CHD1: variants seen among roughly 807,000 people sequenced by gnomAD.
The protein encoded by CHD1 is chromodomain helicase DNA binding protein 1, also known as ATP-dependent chromatin remodeler CHD1.
A neutral mutation model predicts 224.2 loss-of-function variants in CHD1; 36 were observed. The ratio of observed to expected loss-of-function variants is 0.16; its 90% CI spans 0.12 to 0.21. The LOEUF (loss-of-function observed/expected upper bound fraction) is 0.21. Among genes scored for constraint, CHD1 ranks in the 10% least tolerant of loss-of-function variants. The pLI, the probability that CHD1 is intolerant of heterozygous loss-of-function variation, is 1.00. For missense variants in CHD1, 1,378 were observed against 1,994.8 expected (o/e 0.69, Z 5.89); for synonymous variants, 668 against 658.3 (o/e 1.01, Z -0.23).
At chr5:98,879,477 T>A in intron 23 of CHD1, 75 bp downstream of exon 23, 1 of 1,338,708 alleles carries the variant, frequency 7.5e-7, no homozygotes, top group Non-Finnish European at 1.0e-6. Flanking sequence ...GACTGATACC[T>A]CGTAGAAACA....
chr5:98,896,946 T>G (rs998873756), intron 11 of CHD1, among the ~76,000 whole-genome samples: 1 of 152,094 alleles, frequency 6.6e-6, no homozygotes, highest in Admixed American at 6.5e-5. Flanking sequence ...AGAACAGATA[T>G]GCATTTTGAT....
At chr5:98,882,213 G>T in intron 19 of CHD1, 90 bp from the exon 20 acceptor site, 2 of 1,081,288 alleles carry the variant, frequency 1.8e-6, no homozygotes, top group Non-Finnish European at 1.3e-6. Context: ...ACAAATTGAA[G>T]CTCATTCTAT....
intron 2 of CHD1, among the ~76,000 whole-genome samples, chr5:98,918,088 C>G (rs1343473218): frequency 6.7e-6 from 1 of 149,588 alleles, no homozygotes; most frequent in Non-Finnish European, 1.5e-5. Context: ...GATGGAGTCT[C>G]GCTCTGTCGC....
intron 2 of CHD1, among the ~76,000 whole-genome samples, chr5:98,918,632 G>C (rs1023621517): frequency 6.6e-6 from 1 of 151,080 alleles, no homozygotes; most frequent in Non-Finnish European, 1.5e-5. Flanking sequence ...GCTGGGCATG[G>C]TGACGCGTGC....
Position 98,905,008 on chromosome 5 carries a change from A to G in CHD1, c.144T>C (p.Gly48=). 6.5e-7 allele frequency: 1 copy of G among 1,549,632 alleles called. No individual in the cohort carries two copies. Among genetic ancestry groups the G allele is most frequent in the Non-Finnish European group, 8.9e-7 (1 of 1,121,096 alleles). The change falls in exon 3 of 36, where the codon GGT becomes GGC. Residue 48 remains glycine (G), a synonymous_variant. Coordinates refer to ENST00000614616, the MANE Select transcript of CHD1 (RefSeq NM_001270.4). ...SSSDGSSSQS[G]SSDSDSGSES... Reference sequence around the variant, plus strand: ...CAGATCCGGAGTCAGAGTCACTGCTACCTGACTGGCTACTGCTTCCATCAC... The same window carrying G: ...CAGATCCGGAGTCAGAGTCACTGCTGCCTGACTGGCTACTGCTTCCATCAC...
chr5:98,869,622 GCACACACACACACACA>G, intron 30 of CHD1, 116 bp downstream of exon 30: 4 of 717,450 alleles, frequency 5.6e-6, no homozygotes, highest in East Asian at 3.0e-5. Context: ...ACGTGCGCGC[GCACACACACACACACA>G]CACACACACA....
At chr5:98,875,262 A>G (rs1011443625) in intron 24 of CHD1, 149 bp from the exon 25 acceptor site, 6 of 520,380 alleles carry the variant, frequency 1.2e-5, no homozygotes, top group Non-Finnish European at 2.0e-5. Flanking sequence ...CTATGCTAAA[A>G]ACAAAAATGT....
intron 15 of CHD1, among the ~76,000 whole-genome samples, chr5:98,890,221 C>CCT (rs1750925266): frequency 6.6e-6 from 1 of 152,146 alleles, no homozygotes; most frequent in Admixed American, 6.5e-5. Context: ...ACCTTTTCCA[C>CCT]CTTTTATTTT....
chr5:98,876,449 C>T lies in CHD1; in HGVS notation c.3347G>A (p.Arg1116Gln), dbSNP rs1456473355. Residue 1116 changes from arginine (R) to glutamine (Q), a missense_variant, in exon 24 of 36, where the codon CGG becomes CAG. This residue lies in a region of CHD1 where 286 missense variants were observed against 445.1 expected (regional missense o/e 0.64). Coordinates refer to ENST00000614616, the MANE Select transcript of CHD1 (RefSeq NM_001270.4). ...TTTAATATTCTCCCGAGGAATAGTC[C>T]GTGGTCTTCCACGTTTCTTTGGCCT... is the stretch of plus-strand genomic sequence containing the variant. The part of the protein sequence containing the change: ...GKRPKKRGRP[R>Q]TIPRENIKGF... 3.1e-6 allele frequency: 5 copies of T among 1,613,994 alleles called. No homozygotes were observed. Among genetic ancestry groups the T allele is most frequent in the African/African-American group, 2.7e-5 (2 of 74,926 alleles).
chr5:98,927,664 G>A (rs1753565230), intron 1 of CHD1, among the ~76,000 whole-genome samples: 1 of 152,162 alleles, frequency 6.6e-6, no homozygotes, highest in Non-Finnish European at 1.5e-5. Flanking sequence ...GTGCCTTACT[G>A]AACAATTAAG....
At position 98,858,498 on chromosome 5, in the gene CHD1, G is replaced by A. The variant is rs1235894670; in HGVS notation, c.4577-108C>T. ...TTTCAACCCTTGCCAAAACAAAATC[G>A]GTTCCCAAATACAAGCAGTTAAAGC... is the stretch of plus-strand genomic sequence containing the variant. On this transcript the variant is annotated intron_variant, in intron 34 of 35. Coordinates refer to ENST00000614616, the MANE Select transcript of CHD1 (RefSeq NM_001270.4). 2.1e-5 allele frequency: 17 copies of A among 808,042 alleles called. No homozygotes were observed. In the East Asian group the frequency reaches 2.5e-4, roughly 12 times the overall value. 50.1% of individuals were successfully genotyped at this position (808,042 alleles called of 1,614,324 possible).
At chr5:98,858,644 ACT>A (rs1191204526) in intron 34 of CHD1, 8 of 444,420 alleles carry the variant, frequency 1.8e-5, no homozygotes, top group African/African-American at 1.0e-4. Flanking sequence ...TACTTTTGTG[ACT>A]CTGATACAGA....
intron 2 of CHD1, among the ~76,000 whole-genome samples, chr5:98,913,322 A>C (rs1752540932): frequency 6.6e-6 from 1 of 152,072 alleles, no homozygotes; most frequent in African/African-American, 2.4e-5. Flanking sequence ...AAAATATATA[A>C]ACTTAGCTGG....
Position 98,904,917 on chromosome 5 carries a change from G to C in CHD1, c.235C>G (p.Pro79Ala). 1.2e-6 allele frequency: 2 copies of C among 1,613,912 alleles called. No homozygotes were observed. Among genetic ancestry groups the C allele is most frequent in the Non-Finnish European group, 1.7e-6 (2 of 1,179,920 alleles). ...ATTACCTCAGCTCCATCAACTTTCGGTGGTTTTGCTTGAACTTTGTTTTCT... is the reference window on the plus strand; with the variant it reads ...ATTACCTCAGCTCCATCAACTTTCGCTGGTTTTGCTTGAACTTTGTTTTCT... ...SRENKVQAKP[P>A]KVDGAEFWKS... Residue 79 changes from proline to alanine, a missense_variant, in exon 3 of 36, where the codon CCG (proline) becomes GCG (alanine). Pro to Ala is a conservative substitution (Grantham distance 27). Around this residue, in one of 16 missense-constraint regions of CHD1, gnomAD observed 306 missense variants for 298.1 expected, o/e 1.03. Coordinates refer to ENST00000614616, the MANE Select transcript of CHD1 (RefSeq NM_001270.4).
chr5:98,905,551 GA>G (rs1751994082), intron 2 of CHD1, among the ~76,000 whole-genome samples: 1 of 152,132 alleles, frequency 6.6e-6, no homozygotes, highest in Non-Finnish European at 1.5e-5. Flanking sequence ...GTAACAGGCA[GA>G]AATTTATTTG....
chr5:98,862,856 A>G (rs1366717870), intron 32 of CHD1, among the ~76,000 whole-genome samples: 6 of 152,198 alleles, frequency 3.9e-5, no homozygotes, highest in Non-Finnish European at 7.4e-5. Flanking sequence ...AGTTAAATGT[A>G]AAAGATAGAA....
At chr5:98,892,189 T>A (rs988234590) in intron 15 of CHD1, among the ~76,000 whole-genome samples, 19 of 152,212 alleles carry the variant, frequency 1.2e-4, no homozygotes, top group African/African-American at 4.3e-4. Context: ...AAGTTTCTTT[T>A]TTTGGCCTCT....
chr5:98,881,978 G>A lies in CHD1; in HGVS notation c.2864C>T (p.Ser955Leu). Residue 955 changes from serine (S) to leucine (L), a missense_variant, in exon 20 of 36, where the codon TCA becomes TTA. Physicochemically the swap from Ser to Leu is moderately radical, Grantham distance 145 (BLOSUM62 -2). This residue lies in a region of CHD1 where 286 missense variants were observed against 445.1 expected (regional missense o/e 0.64). Coordinates refer to ENST00000614616, the MANE Select transcript of CHD1 (RefSeq NM_001270.4). ...KTVLHTGSAP[S>L]SSTPFNKEEL... ...TTTTTAATAATCAAGTAACCACCTT[G>A]ATGGGGCAGAACCTGTATGTAGTAC... 2 of 1,609,956 alleles carry A rather than the reference G, an allele frequency of 1.2e-6. No homozygotes were observed. Among genetic ancestry groups the A allele is most frequent in the Non-Finnish European group, 1.7e-6 (2 of 1,178,468 alleles).
At chr5:98,900,441 C>CTTT (rs766270530) in intron 7 of CHD1, among the ~76,000 whole-genome samples, 2 of 140,974 alleles carry the variant, frequency 1.4e-5, no homozygotes, top group Non-Finnish European at 1.6e-5. Flanking sequence ...AATACTTTAC[C>CTTT]TTTTTTTTTT....
Sources: allele counts gnomAD v4.1 joint callset (sites outside exome capture counted in the v4.1 genomes callset), GRCh38; gene constraint gnomAD v4.1.1; regional missense constraint gnomAD v4.1.1; transcripts MANE v1.5; gene names NCBI Gene and HGNC (gene_info 2026-07-23, HGNC 2026-07-21).